The following KCNIP4 variants were observed in gnomAD, a reference collection of about 807,000 sequenced individuals.
The protein encoded by KCNIP4 is potassium voltage-gated channel interacting protein 4, also known as Kv channel-interacting protein 4.
Under a neutral mutation model 34.0 loss-of-function variants are expected in KCNIP4, and 12 were observed. That is an observed-to-expected ratio of 0.35 (90% CI 0.23 to 0.57). The LOEUF is 0.57. Ranked by LOEUF, KCNIP4 falls within the 20% of genes least tolerant of loss-of-function variation. The pLI is 0.83. For synonymous variants in KCNIP4, 124 were observed against 102.2 expected, an observed-to-expected ratio of 1.21 and a Z score of -1.29; for missense variants, 238 against 311.7, an observed-to-expected ratio of 0.76 and a Z score of 1.78.
At chr4:21,529,123 A>T (rs1362783425) in intron 1 of KCNIP4, among the ~76,000 whole-genome samples, 3 of 152,120 alleles carry the variant, frequency 2.0e-5, no homozygotes, top group African/African-American at 7.2e-5. Flanking sequence ...GACTAAGGAG[A>T]CTGGAATAGA....
At chr4:21,389,381 C>T (rs939881087) in intron 1 of KCNIP4, among the ~76,000 whole-genome samples, 3 of 151,578 alleles carry the variant, frequency 2.0e-5, no homozygotes, top group African/African-American at 7.3e-5. Context: ...TATACATGTG[C>T]CATATTGGTG....
At chr4:21,799,443 C>T (rs1025332245) in intron 1 of KCNIP4, among the ~76,000 whole-genome samples, 5 of 152,098 alleles carry the variant, frequency 3.3e-5, no homozygotes, top group South Asian at 2.1e-4. Flanking sequence ...TATTAGCTTT[C>T]GTAATCTTTG....
chr4:21,172,235 T>C (rs1309629266), intron 1 of KCNIP4, among the ~76,000 whole-genome samples: 1 of 152,110 alleles, frequency 6.6e-6, no homozygotes, highest in East Asian at 1.9e-4. Flanking sequence ...TTTCACCACA[T>C]TGGCCAGTCT....
At chr4:21,124,565 G>T (rs1750447888) in intron 1 of KCNIP4, among the ~76,000 whole-genome samples, 2 of 151,904 alleles carry the variant, frequency 1.3e-5, no homozygotes, top group African/African-American at 4.8e-5. Context: ...GTATTTTAAT[G>T]GAATGGACTT....
chr4:21,377,534 G>A (rs1158060159), intron 1 of KCNIP4, among the ~76,000 whole-genome samples: 6 of 152,170 alleles, frequency 3.9e-5, no homozygotes, highest in East Asian at 1.9e-4. Context: ...AGGGAAATAC[G>A]TGTATCAATT....
intron 3 of KCNIP4, among the ~76,000 whole-genome samples, chr4:20,784,950 A>C (rs559941990): frequency 6.6e-6 from 1 of 152,170 alleles, no homozygotes; most frequent in Non-Finnish European, 1.5e-5. Flanking sequence ...GCATTCCCCC[A>C]TTCCAGCATG....
chr4:21,813,830 T>G (rs971662454), intron 1 of KCNIP4, among the ~76,000 whole-genome samples: 1 of 152,200 alleles, frequency 6.6e-6, no homozygotes, highest in African/African-American at 2.4e-5. Flanking sequence ...GAGCACTTAC[T>G]GCAAAAACAG....
intron 1 of KCNIP4, chr4:21,849,549 G>GA (rs997995935): frequency 7.9e-5 from 12 of 151,904 alleles, no homozygotes; most frequent in East Asian, 7.7e-4. Context: ...CGTCCCAGCA[G>GA]AAAAAAATCA....
chr4:20,999,992 C>T (rs143345300), intron 1 of KCNIP4, among the ~76,000 whole-genome samples: 1,696 of 151,888 alleles, frequency 0.011, 15 homozygotes, highest in South Asian at 0.045. Context: ...CAAGGAAGGG[C>T]GGAAAAAAAA....
At chr4:21,861,798 T>C (rs1725094325) in intron 1 of KCNIP4, among the ~76,000 whole-genome samples, 1 of 152,182 alleles carries the variant, frequency 6.6e-6, no homozygotes. Context: ...TGTTCTTCCT[T>C]GATTGACAAA....
intron 1 of KCNIP4, among the ~76,000 whole-genome samples, chr4:21,561,034 T>G (rs1330835637): frequency 6.6e-6 from 1 of 152,000 alleles, no homozygotes; most frequent in Non-Finnish European, 1.5e-5. Context: ...CATTTTTTGG[T>G]ATTAAAGTTA....
intron 1 of KCNIP4, among the ~76,000 whole-genome samples, chr4:21,045,044 A>T (rs1196900488): frequency 2.0e-5 from 3 of 152,248 alleles, no homozygotes; most frequent in Non-Finnish European, 4.4e-5. Context: ...TCATTAAGAG[A>T]TGCATGCATT....
chr4:21,713,375 C>T (rs1488610495), intron 1 of KCNIP4, among the ~76,000 whole-genome samples: 1 of 152,140 alleles, frequency 6.6e-6, no homozygotes, highest in African/African-American at 2.4e-5. Flanking sequence ...TTCTTGAACA[C>T]TGCTGGGATG....
At chr4:21,701,655 T>C (rs1712851712) in intron 1 of KCNIP4, among the ~76,000 whole-genome samples, 1 of 152,176 alleles carries the variant, frequency 6.6e-6, no homozygotes, top group Non-Finnish European at 1.5e-5. Flanking sequence ...ATCTATAATG[T>C]ACTCAAAAAT....
At chr4:21,374,225 A>C (rs932130649) in intron 1 of KCNIP4, among the ~76,000 whole-genome samples, 12 of 147,148 alleles carry the variant, frequency 8.2e-5, no homozygotes, top group Non-Finnish European at 5.9e-5. Context: ...AGACATACCC[A>C]AGACTGGCTA....
chr4:21,415,992 C>G (rs566219955), intron 1 of KCNIP4, among the ~76,000 whole-genome samples: 1 of 152,154 alleles, frequency 6.6e-6, no homozygotes, highest in Admixed American at 6.5e-5. Flanking sequence ...AAATGAGAAG[C>G]TTCTGTAAAG....
intron 3 of KCNIP4, among the ~76,000 whole-genome samples, chr4:20,846,668 GCACACACAA>G (rs756637714): frequency 1.3e-5 from 2 of 151,710 alleles, no homozygotes; most frequent in Admixed American, 6.6e-5. Context: ...ACACATACGC[GCACACACAA>G]CACACACACA....
At chr4:21,078,922 A>G (rs1220270395) in intron 1 of KCNIP4, among the ~76,000 whole-genome samples, 1 of 152,016 alleles carries the variant, frequency 6.6e-6, no homozygotes, top group African/African-American at 2.4e-5. Flanking sequence ...CAGCCTTCCT[A>G]TGGAGAGCCT....
At chr4:21,251,069 C>T (rs1760664233) in intron 1 of KCNIP4, among the ~76,000 whole-genome samples, 1 of 151,556 alleles carries the variant, frequency 6.6e-6, no homozygotes, top group African/African-American at 2.4e-5. Context: ...AAGAAATAGA[C>T]TCAATTTGAA....
Sources: gnomAD v4.1 joint callset for allele counts (sites outside exome capture counted in the v4.1 genomes callset) on GRCh38, gnomAD v4.1.1 for gene constraint, MANE v1.5 for transcripts, NCBI Gene and HGNC (gene_info 2026-07-23, HGNC 2026-07-21) for gene names.